The following ROBO1 variants were observed in gnomAD, a reference collection of about 807,000 sequenced individuals.
ROBO1 encodes roundabout homolog 1.
A neutral mutation model predicts 195.9 loss-of-function variants in ROBO1; 149 were observed. That is an observed-to-expected ratio of 0.76 (90% CI 0.67 to 0.87). The LOEUF (loss-of-function observed/expected upper bound fraction) is 0.87, where lower values mean the gene tolerates loss of function less well. ROBO1 is among the 40% of genes least tolerant of loss of function. The pLI, the probability that ROBO1 is intolerant of heterozygous loss-of-function variation, is 0.00. For missense variants in ROBO1, 1,933 were observed against 2,068.3 expected (o/e 0.93, Z 1.27); for synonymous variants, 816 against 733.2 (o/e 1.11, Z -1.82).
At chr3:78,618,868 G>A (rs1704281568) in intron 26 of ROBO1, among the ~76,000 whole-genome samples, 3 of 152,108 alleles carry the variant, frequency 2.0e-5, no homozygotes, top group African/African-American at 7.2e-5. Context: ...CAGACATGAA[G>A]AATAACAACA....
At chr3:78,876,696 C>T (rs952420995) in intron 4 of ROBO1, among the ~76,000 whole-genome samples, 4 of 152,156 alleles carry the variant, frequency 2.6e-5, no homozygotes, top group African/African-American at 7.2e-5. Flanking sequence ...AACCACTCAA[C>T]GTCAACACGG....
chr3:79,147,727 G>T (rs1182593364), intron 2 of ROBO1, among the ~76,000 whole-genome samples: 1 of 151,918 alleles, frequency 6.6e-6, no homozygotes, highest in African/African-American at 2.4e-5. Context: ...TTCTTTTGGT[G>T]CTTAGTTTCA....
At chr3:79,398,836 G>A (rs1243913532) in intron 2 of ROBO1, among the ~76,000 whole-genome samples, 2 of 152,028 alleles carry the variant, frequency 1.3e-5, no homozygotes, top group Non-Finnish European at 2.9e-5. Context: ...CCCCTAAGGA[G>A]ACTTTTAGAC....
At chr3:79,355,191 A>C (rs116358378) in intron 2 of ROBO1, among the ~76,000 whole-genome samples, 15,525 of 151,740 alleles carry the variant, frequency 0.1, 866 homozygotes, top group Middle Eastern at 0.13. Context: ...AACAAACAAA[A>C]AAAAAACCAT....
At chr3:78,625,096 A>T (rs543561099) in intron 26 of ROBO1, among the ~76,000 whole-genome samples, 1 of 152,212 alleles carries the variant, frequency 6.6e-6, no homozygotes, top group African/African-American at 2.4e-5. Context: ...GCAAATAAAA[A>T]TACTGTGAGA....
rs111284738 is a variant in ROBO1 at position 79,006,278 on chromosome 3, C to T, written c.173-67351G>A. ...TAAATAGCTACCAATAAAGGAGAAG[C>T]TTTTGGTTAAGTAAGCCATTATGTA... On this transcript the variant is annotated intron_variant, in intron 3 of 30. Transcript: ENST00000464233. Among the ~76,000 whole-genome samples, 574 of 152,186 alleles carry T rather than the reference C, an allele frequency of 3.8e-3. 8 individuals are homozygous for T. Among genetic ancestry groups the T allele is most frequent in the African/African-American group, 0.013 (534 of 41,508 alleles).
At position 79,272,735 on chromosome 3, in the gene ROBO1, G is replaced by A. The variant is rs143984614; in HGVS notation, c.89-147196C>T. On this transcript the variant is annotated intron_variant, in intron 2 of 30. Transcript: ENST00000464233. ...GGGAGCATTTAGACCAGTCCTAGCC[G>A]GGGGTGAATCATTCATCCCCCACTT... Among the ~76,000 whole-genome samples the A allele has an allele frequency of 4.9e-4, 75 of 152,144 alleles. No homozygotes were observed. In the East Asian group the frequency reaches 6.6e-3, roughly 13 times the overall value.
At chr3:78,608,810 A>T (rs1393005138) in intron 28 of ROBO1, among the ~76,000 whole-genome samples, 4 of 152,132 alleles carry the variant, frequency 2.6e-5, no homozygotes, top group Non-Finnish European at 5.9e-5. Context: ...GGAGGAAGGA[A>T]TCTAAGATGA....
intron 1 of ROBO1, among the ~76,000 whole-genome samples, chr3:79,673,749 A>C (rs1946700076): frequency 6.6e-6 from 1 of 151,998 alleles, no homozygotes. Flanking sequence ...GTTTCATGTT[A>C]ACATATCCTC....
chr3:78,599,046 C>G, intron 30 of ROBO1, 119 bp from the exon 31 acceptor site: 1 of 547,092 alleles, frequency 1.8e-6, no homozygotes, highest in Non-Finnish European at 3.0e-6. Flanking sequence ...ATTCAATGGA[C>G]TATGTTGGAA....
chr3:79,056,780 C>T lies in ROBO1; in HGVS notation c.172+68676G>A, dbSNP rs572295217. 1.4e-4 allele frequency among the ~76,000 whole-genome samples: 22 copies of T among 152,108 alleles called. No homozygotes were observed. The South Asian group carries it at 2.1e-3, about 14-fold the overall frequency. ...CTCAGCCTTTTCAGCTTCTGGTTTT[C>T]GCTTCATTGCACTCCCCTACTGGGA... On this transcript the variant is annotated intron_variant, in intron 3 of 30. Coordinates refer to ENST00000464233, the MANE Select transcript of ROBO1 (RefSeq NM_002941.4).
intron 5 of ROBO1, among the ~76,000 whole-genome samples, chr3:78,738,415 T>C (rs1353138953): frequency 6.6e-6 from 1 of 152,172 alleles, no homozygotes; most frequent in African/African-American, 2.4e-5. Context: ...TTTTGTTTTG[T>C]TTTTTACTGC....
intron 2 of ROBO1, among the ~76,000 whole-genome samples, chr3:79,425,452 G>A (rs552959613): frequency 6.6e-6 from 1 of 152,210 alleles, no homozygotes; most frequent in African/African-American, 2.4e-5. Flanking sequence ...GGTTTCTACT[G>A]GATTTAGAAG....
At chr3:79,062,988 G>T (rs953413195) in intron 3 of ROBO1, among the ~76,000 whole-genome samples, 4 of 151,714 alleles carry the variant, frequency 2.6e-5, no homozygotes, top group Admixed American at 2.6e-4. Flanking sequence ...TAATTAAAAA[G>T]AAAAGAAGAA....
At chr3:79,560,159 A>G (rs914942109) in intron 2 of ROBO1, among the ~76,000 whole-genome samples, 1 of 152,022 alleles carries the variant, frequency 6.6e-6, no homozygotes, top group Admixed American at 6.6e-5. Context: ...ACCCATTAGA[A>G]ATACTTGCCA....
intron 4 of ROBO1, among the ~76,000 whole-genome samples, chr3:78,901,536 T>C (rs2037588136): frequency 6.6e-6 from 1 of 152,224 alleles, no homozygotes; most frequent in Non-Finnish European, 1.5e-5. Flanking sequence ...TAGGGATTTC[T>C]AAAATAATGC....
At chr3:79,460,268 A>T (rs1937587501) in intron 2 of ROBO1, among the ~76,000 whole-genome samples, 1 of 152,198 alleles carries the variant, frequency 6.6e-6, no homozygotes, top group Non-Finnish European at 1.5e-5. Context: ...ATATATGGAG[A>T]CTACAGTAAC....
At chr3:79,380,980 G>C (rs954757432) in intron 2 of ROBO1, among the ~76,000 whole-genome samples, 1 of 152,160 alleles carries the variant, frequency 6.6e-6, no homozygotes, top group African/African-American at 2.4e-5. Context: ...CCATTTGGTT[G>C]CAGACATATG....
rs79120929 is a variant in ROBO1 at position 79,653,327 on chromosome 3, A to T, written c.-50-63366T>A. On this transcript the variant is annotated intron_variant, in intron 1 of 30. Transcript: ENST00000464233. ...CTTGAAAGAAACCCATTATTTTAGAAGCTAGAACCCCTTATCTATTCATTG... is the reference window on the plus strand; with the variant it reads ...CTTGAAAGAAACCCATTATTTTAGATGCTAGAACCCCTTATCTATTCATTG... Among the ~76,000 whole-genome samples, 34 of 152,056 alleles carry T rather than the reference A, an allele frequency of 2.2e-4. No individual in the cohort carries two copies. The East Asian group carries it at 6.6e-3, about 29-fold the overall frequency.
Sources: gnomAD v4.1 joint callset for allele counts (sites outside exome capture counted in the v4.1 genomes callset) on GRCh38, gnomAD v4.1.1 for gene constraint, MANE v1.5 for transcripts, NCBI Gene and HGNC (gene_info 2026-07-23, HGNC 2026-07-21) for gene names.